The following MPDZ variants were observed in gnomAD, a reference collection of about 807,000 sequenced individuals.
MPDZ encodes multiple PDZ domain crumbs cell polarity complex component.
A neutral mutation model predicts 239.1 loss-of-function variants in MPDZ; 234 were observed. The ratio of observed to expected loss-of-function variants is 0.98; its 90% confidence interval spans 0.88 to 1.09. MPDZ has a LOEUF of 1.09. MPDZ is among the 50% of genes least tolerant of loss of function. The pLI is 0.00. For synonymous variants in MPDZ, 1,048 were observed against 881.3 expected, an observed-to-expected ratio of 1.19 and a Z score of -3.35; for missense variants, 3,175 against 2,510.0, an observed-to-expected ratio of 1.26 and a Z score of -5.66.
intron 21 of MPDZ, among the ~76,000 whole-genome samples, chr9:13,175,104 G>A (rs1952285744): frequency 6.6e-6 from 1 of 152,112 alleles, no homozygotes; most frequent in Admixed American, 6.6e-5. Flanking sequence ...AGAAAGACAG[G>A]GCTGAGTCAC....
chr9:13,168,258 A>C (rs1384328584), intron 22 of MPDZ, 108 bp downstream of exon 22: 1 of 995,168 alleles, frequency 1.0e-6, no homozygotes, highest in Non-Finnish European at 1.5e-6. Flanking sequence ...TGTTAAAAAA[A>C]ATGTGATAAC....
In MPDZ at chr9:13,259,334, G is replaced by A. The variant is rs2382395; in HGVS notation, c.-57-8962C>T. ...GGGCAACAGAGCAAGAGTCTGTCTC[G>A]GAAAACAAAAAGAAAAGAAAAGAAA... On this transcript the variant is annotated intron_variant, in intron 1 of 46. Transcript: ENST00000319217. 7.3e-3 allele frequency among the ~76,000 whole-genome samples: 1,110 copies of A among 151,728 alleles called. 12 individuals are homozygous for A. The highest frequency in any genetic ancestry group is 0.024 in the African/African-American group (1,008 of 41,416).
chr9:13,223,834 C>T (rs1022341205), intron 4 of MPDZ, 124 bp from the exon 5 acceptor site: 3 of 952,022 alleles, frequency 3.2e-6, no homozygotes, highest in Admixed American at 6.0e-5. Context: ...GAGTTAGGGA[C>T]CAGACTGGGC....
chr9:13,253,674 G>A (rs1968689146), intron 1 of MPDZ, among the ~76,000 whole-genome samples: 1 of 152,226 alleles, frequency 6.6e-6, no homozygotes. Flanking sequence ...CAACATGTCA[G>A]AAGAATGGCA....
In MPDZ at chr9:13,219,608, G is replaced by A; in HGVS notation, c.1037C>T (p.Ala346Val). ...GAIEERTAPT[A>V]LGITLSSSPT... ...GGATGAGGAGAGGGTGATGCCCAAAGCAGTGGGTGCTGTACGTTCTTCTAT... is the reference window on the plus strand; with the variant it reads ...GGATGAGGAGAGGGTGATGCCCAAAACAGTGGGTGCTGTACGTTCTTCTAT... The change falls in exon 8 of 47, where the codon GCT (alanine) becomes GTT (valine). Residue 346 changes from alanine to valine, a missense_variant. Ala to Val is a moderately conservative substitution (Grantham distance 64). Coordinates refer to ENST00000319217, the MANE Select transcript of MPDZ (RefSeq NM_001378778.1). The A allele has an allele frequency of 6.2e-7, 1 of 1,612,324 alleles. No homozygotes were observed. The highest frequency in any genetic ancestry group is 1.7e-5 in the Admixed American group (1 of 59,766).
Position 13,133,836 on chromosome 9 carries a change from C to T in MPDZ, c.4452G>A (p.Leu1484=). The T allele has an allele frequency of 1.9e-6, 3 of 1,601,744 alleles. No homozygotes were observed. The highest frequency in any genetic ancestry group is 2.6e-6 in the Non-Finnish European group (3 of 1,171,004). Residue 1484 remains leucine, a synonymous_variant, in exon 32 of 47, where the codon CTG becomes CTA. Transcript: ENST00000319217. ...DLSSFKNVQH[L]ELPKDQGGLG... The stretch of plus-strand genomic sequence containing the variant: ...AAAGCAGATTTACCTTGGGAAGCTC[C>T]AGATGTTGCACATTTTTAAATGAAC...
intron 40 of MPDZ, among the ~76,000 whole-genome samples, chr9:13,114,523 A>G (rs1383004613): frequency 1.3e-5 from 2 of 152,186 alleles, no homozygotes; most frequent in African/African-American, 4.8e-5. Context: ...ATATTTTTAT[A>G]CATGGTGCTG....
chr9:13,217,359 AC>A (rs1457007216), intron 8 of MPDZ, 65 bp from the exon 9 acceptor site: 7 of 1,025,250 alleles, frequency 6.8e-6, no homozygotes, highest in Non-Finnish European at 1.0e-5. Flanking sequence ...CAAAAAACAA[AC>A]AAACAAACAA....
intron 39 of MPDZ, among the ~76,000 whole-genome samples, chr9:13,115,563 A>T (rs1427371799): frequency 2.6e-5 from 4 of 151,996 alleles, no homozygotes; most frequent in Non-Finnish European, 5.9e-5. Flanking sequence ...TTATCACCTC[A>T]TGATTTCTAT....
chr9:13,175,399 A>G (rs1204630122), intron 21 of MPDZ, among the ~76,000 whole-genome samples: 2 of 152,140 alleles, frequency 1.3e-5, no homozygotes, highest in Non-Finnish European at 2.9e-5. Flanking sequence ...AGTAACTAAT[A>G]ATTTACTTTT....
intron 24 of MPDZ, 31 bp from the exon 25 acceptor site, chr9:13,150,719 G>C: frequency 7.8e-7 from 1 of 1,285,618 alleles, no homozygotes; most frequent in Non-Finnish European, 9.9e-7. Flanking sequence ...TCAACTCTTA[G>C]GAAAAATCAT....
intron 2 of MPDZ, among the ~76,000 whole-genome samples, chr9:13,249,008 A>AAAAAAAAAAAAAAAAAAAAAAC (rs1279043046): frequency 1.6e-5 from 2 of 125,256 alleles, no homozygotes; most frequent in Non-Finnish European, 3.4e-5. Context: ...AAAAAAAAAA[A>AAAAAAAAAAAAAAAAAAAAAAC]ATTGGAATCA....
chr9:13,127,032 G>C (rs555448356), intron 32 of MPDZ, among the ~76,000 whole-genome samples: 1 of 152,234 alleles, frequency 6.6e-6, no homozygotes, highest in Non-Finnish European at 1.5e-5. Flanking sequence ...AGTAACTTTA[G>C]CAAAATATCT....
chr9:13,263,649 C>G (rs1277497569), intron 1 of MPDZ, among the ~76,000 whole-genome samples: 1 of 152,148 alleles, frequency 6.6e-6, no homozygotes, highest in Non-Finnish European at 1.5e-5. Flanking sequence ...TTTTACCAAG[C>G]TGTTTGAGAT....
chr9:13,177,901 G>C (rs1490733525), intron 19 of MPDZ, among the ~76,000 whole-genome samples: 1 of 152,046 alleles, frequency 6.6e-6, no homozygotes, highest in Non-Finnish European at 1.5e-5. Flanking sequence ...CTACATCTTT[G>C]TCCACATGTG....
intron 1 of MPDZ, among the ~76,000 whole-genome samples, chr9:13,256,974 A>G (rs890365566): frequency 6.6e-6 from 1 of 152,158 alleles, no homozygotes; most frequent in African/African-American, 2.4e-5. Context: ...GTAAGGTCCT[A>G]TGTTTGGTTT....
intron 22 of MPDZ, 133 bp downstream of exon 22, chr9:13,168,233 T>C (rs553133460): frequency 5.1e-4 from 412 of 807,372 alleles, no homozygotes; most frequent in Non-Finnish European, 5.5e-4. Flanking sequence ...AATAGTCAAT[T>C]TCTTGAGTGA....
intron 1 of MPDZ, among the ~76,000 whole-genome samples, chr9:13,277,776 C>A (rs1009869683): frequency 2.0e-5 from 3 of 152,002 alleles, no homozygotes; most frequent in Non-Finnish European, 4.4e-5. Flanking sequence ...TGTTGGCCAG[C>A]CTGGTCTTGA....
intron 1 of MPDZ, among the ~76,000 whole-genome samples, chr9:13,257,999 G>C (rs1237574208): frequency 6.6e-6 from 1 of 152,112 alleles, no homozygotes; most frequent in Non-Finnish European, 1.5e-5. Flanking sequence ...TTAATATAAT[G>C]AGACAGCTGC....
Sources: gnomAD v4.1 joint callset for allele counts (sites outside exome capture counted in the v4.1 genomes callset) on GRCh38, gnomAD v4.1.1 for gene constraint, MANE v1.5 for transcripts, NCBI Gene and HGNC (gene_info 2026-07-23, HGNC 2026-07-21) for gene names.